TKTL1: variants seen among roughly 807,000 people sequenced by gnomAD.
TKTL1 encodes transketolase like 1, also known as transketolase-like protein 1.
A neutral mutation model predicts 39.3 loss-of-function variants in TKTL1; 1 was observed. The observed-to-expected ratio is 0.03, with a 90% CI of 0.01 to 0.12. The LOEUF (loss-of-function observed/expected upper bound fraction) is 0.12, where lower values mean the gene tolerates loss of function less well. Among genes scored for constraint, TKTL1 ranks in the 10% least tolerant of loss-of-function variants. The pLI is 1.00. For missense variants in TKTL1, 575 were observed against 509.6 expected, an observed-to-expected ratio of 1.13 and a Z score of -1.24; for synonymous variants, 262 against 193.8, an observed-to-expected ratio of 1.35 and a Z score of -2.92.
chrX:154,306,634 T>A (rs994102084), intron 2 of TKTL1, among the ~76,000 whole-genome samples: 1 of 111,215 alleles, frequency 9.0e-6, no homozygotes, highest in Non-Finnish European at 1.9e-5. Flanking sequence ...TTTTTTTACA[T>A]CTTTTTTTGT....
At chrX:154,311,892 A>T (rs1248417182) in intron 5 of TKTL1, among the ~76,000 whole-genome samples, 1 of 110,361 alleles carries the variant, frequency 9.1e-6, no homozygotes, top group African/African-American at 3.3e-5. Context: ...CCTCCCCCTC[A>T]TATGCCCACA....
At chrX:154,315,532 C>T (rs1370567255) in intron 7 of TKTL1, among the ~76,000 whole-genome samples, 195 bp downstream of exon 7, 1 of 111,628 alleles carries the variant, frequency 9.0e-6, no homozygotes, top group African/African-American at 3.3e-5. Flanking sequence ...CCGTAATAGA[C>T]TACTCGGCAC....
intron 8 of TKTL1, among the ~76,000 whole-genome samples, chrX:154,321,196 C>T (rs963002489): frequency 7.3e-5 from 8 of 109,454 alleles, no homozygotes; most frequent in African/African-American, 2.3e-4. Context: ...ACAGGACTGG[C>T]AGAGTCATGG....
intron 6 of TKTL1, 113 bp downstream of exon 6, chrX:154,312,886 C>G: frequency 1.4e-6 from 1 of 698,865 alleles, no homozygotes; most frequent in South Asian, 3.4e-5. Flanking sequence ...ATGGACGAAC[C>G]AATTACTAGA....
At chrX:154,310,174 C>T (rs1452657257) in intron 3 of TKTL1, among the ~76,000 whole-genome samples, 2 of 110,770 alleles carry the variant, frequency 1.8e-5, no homozygotes, top group African/African-American at 3.3e-5. Flanking sequence ...TAGCAGGTGG[C>T]GGCGGGAGGC....
intron 12 of TKTL1, among the ~76,000 whole-genome samples, chrX:154,328,189 A>G (rs1348189794): frequency 1.8e-5 from 2 of 111,390 alleles, no homozygotes; most frequent in African/African-American, 6.5e-5. Context: ...AGGAGTGGCT[A>G]TTGCAGGCAA....
intron 10 of TKTL1, among the ~76,000 whole-genome samples, chrX:154,326,942 A>G (rs1557172087): frequency 8.9e-6 from 1 of 112,245 alleles, no homozygotes; most frequent in East Asian, 2.8e-4. Context: ...CCCTTTCTGT[A>G]CTATCAGCAA....
At chrX:154,323,532 C>T (rs2067469073) in intron 9 of TKTL1, among the ~76,000 whole-genome samples, 195 bp downstream of exon 9, 1 of 112,042 alleles carries the variant, frequency 8.9e-6, no homozygotes, top group Non-Finnish European at 1.9e-5. Context: ...TCCAACAGTA[C>T]AGGATACTGA....
intron 10 of TKTL1, among the ~76,000 whole-genome samples, chrX:154,326,829 G>A (rs1035684478): frequency 7.1e-5 from 8 of 112,728 alleles, no homozygotes; most frequent in East Asian, 2.8e-4. Context: ...GGCATGGATC[G>A]TTAAAGGGCT....
At chrX:154,328,904 C>T (rs944191659) in intron 12 of TKTL1, among the ~76,000 whole-genome samples, 1 of 112,061 alleles carries the variant, frequency 8.9e-6, no homozygotes, top group Non-Finnish European at 1.9e-5. Flanking sequence ...AGAAGTCCTG[C>T]CCCAGCCTCC....
At chrX:154,303,751 CT>C (rs1557166543) in intron 1 of TKTL1, among the ~76,000 whole-genome samples, 1 of 108,528 alleles carries the variant, frequency 9.2e-6, no homozygotes, top group Non-Finnish European at 1.9e-5. Context: ...GCAGAAACCT[CT>C]CACTTGAAGC....
chrX:154,311,042 T>C lies in TKTL1; in HGVS notation c.542+15T>C, dbSNP rs782086984. The C allele has an allele frequency of 8.3e-7, 1 of 1,211,453 alleles. No individual in the cohort carries two copies. The highest frequency in any genetic ancestry group is 1.7e-5 in the African/African-American group (1 of 57,924). ...GAAGCCTTTGGGTAACTGTATTCTC[T>C]TGTGCTTGATTTCCATTCTGTCCTG... On this transcript the variant is annotated intron_variant, in intron 4 of 12. Transcript: ENST00000369915.
rs1230493315 is a variant in TKTL1, at chrX:154,330,120, C to T, written c.*432C>T. ...ATAGATTCCAGTAGCCTAGTTTCCA[C>T]AGCACGATAACACCATGACGCCTAC... On this transcript the variant is annotated 3_prime_UTR_variant, in exon 13 of 13. Transcript: ENST00000369915. 2.6e-5 allele frequency: 3 copies of T among 116,028 alleles called. No individual in the cohort carries two copies. Among genetic ancestry groups the T allele is most frequent in the African/African-American group, 9.7e-5 (3 of 30,948 alleles). 9.6% of individuals were successfully genotyped at this position (116,028 alleles called of 1,213,427 possible). A position where few individuals can be genotyped will look rare whatever the true frequency, so the allele number is the denominator to read the frequency against.
chrX:154,322,547 A>AT (rs1193235043), intron 8 of TKTL1, among the ~76,000 whole-genome samples: 4 of 111,000 alleles, frequency 3.6e-5, no homozygotes, highest in Non-Finnish European at 5.7e-5. Flanking sequence ...ATAATAGTTA[A>AT]TTTTTTTAAA....
intron 1 of TKTL1, among the ~76,000 whole-genome samples, chrX:154,297,429 C>G (rs1432947111): frequency 3.6e-5 from 4 of 110,089 alleles, no homozygotes; most frequent in African/African-American, 1.3e-4. Flanking sequence ...CTAATTTTTT[C>G]TGTTTTTTAG....
chrX:154,304,848 C>T, intron 1 of TKTL1: 2 of 368,099 alleles, frequency 5.4e-6, no homozygotes, highest in Non-Finnish European at 4.5e-6. Context: ...GTTACTTTGG[C>T]AGCATTCAGA....
intron 4 of TKTL1, 33 bp from the exon 5 acceptor site, chrX:154,311,078 C>T (rs2067353774): frequency 8.3e-7 from 1 of 1,209,342 alleles, no homozygotes; most frequent in Admixed American, 2.2e-5. Flanking sequence ...CCCCCTTCAT[C>T]TCTTGTAACC....
rs1391040840 is a variant in TKTL1 at position 154,295,965 on chromosome X, A to G, written c.106A>G (p.Ile36Val). Reference sequence around the variant, plus strand: ...GGCCAGCCGCTTGCGAATCCATTCCATCAGGGCCACATGCTCCACGAGCTC... The same window carrying G: ...GGCCAGCCGCTTGCGAATCCATTCCGTCAGGGCCACATGCTCCACGAGCTC... ...DMASRLRIHS[I>V]RATCSTSSGH... The change falls in exon 1 of 13, where the codon ATC (isoleucine) becomes GTC (valine). Residue 36 changes from isoleucine to valine, a missense_variant. Ile to Val is a conservative substitution (Grantham distance 29). Transcript: ENST00000369915. 2.5e-6 allele frequency: 3 copies of G among 1,211,802 alleles called. No individual in the cohort carries two copies. Among genetic ancestry groups the G allele is most frequent in the African/African-American group, 1.7e-5 (1 of 57,847 alleles).
chrX:154,328,611 A>T (rs1240334555), intron 12 of TKTL1, among the ~76,000 whole-genome samples: 1 of 102,050 alleles, frequency 9.8e-6, no homozygotes, highest in South Asian at 4.9e-4. Flanking sequence ...CGACGAAAGC[A>T]GGTATAGCAG....
Sources: allele counts gnomAD v4.1 joint callset (sites outside exome capture counted in the v4.1 genomes callset), GRCh38; gene constraint gnomAD v4.1.1; transcripts MANE v1.5; gene names NCBI Gene and HGNC (gene_info 2026-07-23, HGNC 2026-07-21).